Variants in NRCAM observed in about 807,000 individuals in gnomAD.
The protein encoded by NRCAM is neuronal cell adhesion molecule.
In NRCAM, 83 loss-of-function variants were observed where a neutral mutation model predicts 156.5. That is an observed-to-expected ratio of 0.53 (90% confidence interval 0.44 to 0.64). NRCAM has a LOEUF of 0.64. NRCAM is among the 30% of genes least tolerant of loss of function. The pLI, the probability that NRCAM is intolerant of heterozygous loss-of-function variation, is 0.00. For missense variants in NRCAM, 1,417 were observed against 1,597.3 expected, an observed-to-expected ratio of 0.89 and a Z score of 1.92; for synonymous variants, 538 against 563.9, an observed-to-expected ratio of 0.95 and a Z score of 0.65.
In NRCAM at chr7:108,301,683, G is replaced by A. The variant is rs187628266; in HGVS notation, c.-107+10982C>T. ...ATTTTGCTATTTTTGAAAAAAATAT[G>A]GCTCTTTTCCATTTGATTGAATGGA... is the stretch of plus-strand genomic sequence containing the variant. On this transcript the variant is annotated intron_variant, in intron 3 of 32. Transcript: ENST00000379028. 6.6e-5 allele frequency among the ~76,000 whole-genome samples: 10 copies of A among 152,172 alleles called. No homozygotes were observed. The East Asian group carries it at 1.9e-3, about 29-fold the overall frequency.
rs149742098 is a variant in NRCAM, at chr7:108,351,785, G to A, written c.-173-39054C>T. 1.2e-3 allele frequency among the ~76,000 whole-genome samples: 186 copies of A among 151,376 alleles called. 1 individual carries two copies. The highest frequency in any genetic ancestry group is 4.1e-3 in the African/African-American group (170 of 41,306). Reference sequence around the variant, plus strand: ...CCACTTTTTTTTTTTAAGTAAGCTGGCTAAGGATATTTTTGAAACATGATG... The same window carrying A: ...CCACTTTTTTTTTTTAAGTAAGCTGACTAAGGATATTTTTGAAACATGATG... On this transcript the variant is annotated intron_variant, in intron 2 of 32. Transcript: ENST00000379028.
chr7:108,230,680 C>G, intron 8 of NRCAM, among the ~76,000 whole-genome samples: 1 of 152,134 alleles, frequency 6.6e-6, no homozygotes, highest in Admixed American at 6.5e-5. Context: ...TATTTAGGGG[C>G]ATGGCTTGCT....
Position 108,231,109 on chromosome 7 carries a change from G to T in NRCAM, c.472C>A (p.Gln158Lys). ...GGAAGTACTAAAGACTGACCACTTTGAAGTGTGATTGGTTCAAGTTTTTCT... is the reference window on the plus strand; with the variant it reads ...GGAAGTACTAAAGACTGACCACTTTTAAGTGTGATTGGTTCAAGTTTTTCT... ...TKEKLEPITLQSGQSLVLPCR... is the reference protein window; with the variant it reads ...TKEKLEPITLKSGQSLVLPCR... Residue 158 changes from glutamine to lysine, a missense_variant, in exon 8 of 33, where the codon CAA (glutamine) becomes AAA (lysine). Physicochemically the swap from Gln to Lys is moderately conservative, Grantham distance 53. Transcript: ENST00000379028. The T allele has an allele frequency of 6.2e-7, 1 of 1,607,642 alleles. No individual in the cohort carries two copies. The highest frequency in any genetic ancestry group is 1.1e-5 in the South Asian group (1 of 90,116).
rs1251684089 is a variant in NRCAM, at chr7:108,209,520, G to C, written c.976C>G (p.Gln326Glu). ...TCTGCTTCTGAAACATGAATGATCT[G>C]CAAGGTTTTCTCAAAGTTCTTATAA... ...TVYKNFEKTLQIIHVSEADSG... is the reference protein window; with the variant it reads ...TVYKNFEKTLEIIHVSEADSG... Residue 326 changes from glutamine (Q) to glutamate (E), a missense_variant, in exon 12 of 33, where the codon CAG becomes GAG. Gln to Glu is a conservative substitution (Grantham distance 29). Transcript: ENST00000379028. 1.9e-6 allele frequency: 3 copies of C among 1,612,060 alleles called. No individual in the cohort carries two copies. Among genetic ancestry groups the C allele is most frequent in the East Asian group, 4.5e-5 (2 of 44,788 alleles).
chr7:108,400,214 A>T (rs1339892146), intron 1 of NRCAM, among the ~76,000 whole-genome samples: 1 of 152,228 alleles, frequency 6.6e-6, no homozygotes, highest in East Asian at 1.9e-4. Context: ...AATTAAACAG[A>T]AGCCAACTAA....
rs200272189 is a variant in NRCAM at position 108,181,190 on chromosome 7, A to AG, written c.2646+631dup. On this transcript the variant is annotated intron_variant, in intron 24 of 32. Coordinates refer to ENST00000379028, the MANE Select transcript of NRCAM (RefSeq NM_001037132.4). ...CATTTACATGGAATCTGGCAATGCTAGGGGGAAAAAAAAAAAGTTGAATGT... is the reference window on the plus strand; with the variant it reads ...CATTTACATGGAATCTGGCAATGCTAGGGGGGAAAAAAAAAAAGTTGAATGT... 3.5e-3 allele frequency among the ~76,000 whole-genome samples: 169 copies of AG among 48,840 alleles called. No homozygotes were observed. In the East Asian group the frequency reaches 0.041, roughly 12 times the overall value. The allele number at this position is 48,840 out of a possible 152,430, so 32.0% of individuals were successfully genotyped here. A position where few individuals can be genotyped will look rare whatever the true frequency, so the allele number is the denominator to read the frequency against.
intron 1 of NRCAM, among the ~76,000 whole-genome samples, chr7:108,431,442 T>G (rs1223163592): frequency 6.6e-6 from 1 of 152,212 alleles, no homozygotes; most frequent in Non-Finnish European, 1.5e-5. Flanking sequence ...GTTTTGATCA[T>G]GATTCATAAT....
chr7:108,187,666 AG>A (rs2067832238), intron 20 of NRCAM, among the ~76,000 whole-genome samples: 1 of 152,146 alleles, frequency 6.6e-6, no homozygotes, highest in Admixed American at 6.5e-5. Flanking sequence ...GAAGTGCAAG[AG>A]GTGGCCGGGC....
chr7:108,203,066 C>A (rs961366995), intron 13 of NRCAM, among the ~76,000 whole-genome samples: 1 of 152,116 alleles, frequency 6.6e-6, no homozygotes, highest in Non-Finnish European at 1.5e-5. Context: ...CTCAAAAACA[C>A]CCCCCTCAGT....
At chr7:108,427,311 A>G (rs4730316) in intron 1 of NRCAM, among the ~76,000 whole-genome samples, 136,707 of 152,224 alleles carry the variant, frequency 0.9, 61,885 homozygotes, top group East Asian at 1. Flanking sequence ...GCTAGTCCTC[A>G]CTCAACTCCA....
At chr7:108,445,604 T>C (rs1440027662) in intron 1 of NRCAM, among the ~76,000 whole-genome samples, 2 of 152,216 alleles carry the variant, frequency 1.3e-5, no homozygotes, top group Non-Finnish European at 2.9e-5. Flanking sequence ...ACCCCTGTGA[T>C]GTAGGGTTGG....
In NRCAM at chr7:108,231,505, C is replaced by T. The variant is rs542006852; in HGVS notation, c.428-352G>A. ...AAAAGATTTGCTAAATAAAGAATTA[C>T]ACATCTACACCTCTGAATACCATAG... is the stretch of plus-strand genomic sequence containing the variant. On this transcript the variant is annotated intron_variant, in intron 7 of 32. Transcript: ENST00000379028. Among the ~76,000 whole-genome samples, 3 of 151,932 alleles carry T rather than the reference C, an allele frequency of 2.0e-5. No individual in the cohort carries two copies. The South Asian group carries it at 6.2e-4, about 32-fold the overall frequency.
intron 17 of NRCAM, among the ~76,000 whole-genome samples, chr7:108,192,896 G>C (rs1231591553): frequency 6.6e-6 from 1 of 152,136 alleles, no homozygotes; most frequent in Non-Finnish European, 1.5e-5. Flanking sequence ...TTGCTCAGTA[G>C]ATCAAAAAAT....
At chr7:108,382,737 C>T (rs2099707318) in intron 2 of NRCAM, among the ~76,000 whole-genome samples, 1 of 152,178 alleles carries the variant, frequency 6.6e-6, no homozygotes, top group Non-Finnish European at 1.5e-5. Context: ...AGGCTCTGCT[C>T]AGAGCAGCCC....
chr7:108,167,747 G>A (rs114742082), intron 29 of NRCAM, among the ~76,000 whole-genome samples: 1 of 152,168 alleles, frequency 6.6e-6, no homozygotes, highest in East Asian at 1.9e-4. Context: ...TCTCCCAGTA[G>A]ATGTGGCCAG....
At chr7:108,181,686 A>G (rs1049133609) in intron 24 of NRCAM, 136 bp downstream of exon 24, 1 of 460,040 alleles carries the variant, frequency 2.2e-6, no homozygotes, top group Non-Finnish European at 3.9e-6. Context: ...TGAGGCAATG[A>G]GCGAAATGAA....
At chr7:108,331,887 T>C (rs1310897353) in intron 2 of NRCAM, among the ~76,000 whole-genome samples, 1 of 152,238 alleles carries the variant, frequency 6.6e-6, no homozygotes, top group African/African-American at 2.4e-5. Flanking sequence ...AAATGATGGA[T>C]GCTTTTCTTT....
chr7:108,328,625 G>A (rs2099095085), intron 2 of NRCAM: 1 of 152,076 alleles, frequency 6.6e-6, no homozygotes, highest in African/African-American at 2.4e-5. Context: ...GGCCTCCCAG[G>A]GTGATCAGCC....
At chr7:108,352,356 T>C (rs960787623) in intron 2 of NRCAM, among the ~76,000 whole-genome samples, 3 of 152,232 alleles carry the variant, frequency 2.0e-5, no homozygotes, top group African/African-American at 7.2e-5. Context: ...ATAATTTTTA[T>C]GCATAATCTA....
Sources: gnomAD v4.1 joint callset for allele counts (sites outside exome capture counted in the v4.1 genomes callset) on GRCh38, gnomAD v4.1.1 for gene constraint, MANE v1.5 for transcripts, NCBI Gene and HGNC (gene_info 2026-07-23, HGNC 2026-07-21) for gene names.